Variants in SIRPB2 observed in about 807,000 individuals in gnomAD.
The protein encoded by SIRPB2 is signal regulatory protein beta 2.
SIRPB2 carries 18 observed loss-of-function variants against 27.1 expected under a neutral mutation model. The ratio of observed to expected loss-of-function variants is 0.66; its 90% CI spans 0.46 to 0.98. The LOEUF is 0.98. Among genes scored for constraint, SIRPB2 ranks in the 50% least tolerant of loss-of-function variants. The probability of loss-of-function intolerance (pLI) is 0.00; values close to 1 mark genes in which losing one functional copy is unlikely to be tolerated. For missense variants in SIRPB2, 420 were observed against 417.4 expected (o/e 1.01, Z -0.06); for synonymous variants, 150 against 164.6 (o/e 0.91, Z 0.68).
chr20:1,486,143 G>A (rs991317752), intron 1 of SIRPB2, among the ~76,000 whole-genome samples: 3 of 150,622 alleles, frequency 2.0e-5, no homozygotes, highest in Non-Finnish European at 4.4e-5. Flanking sequence ...CGTGATCTCA[G>A]CTCACTCCAA....
rs1003512496 is a variant in SIRPB2 at position 1,475,111 on chromosome 20, A to G, written c.*1056T>C. On this transcript the variant is annotated 3_prime_UTR_variant, in exon 5 of 5. Coordinates refer to ENST00000359801, the MANE Select transcript of SIRPB2 (RefSeq NM_001122962.2). ...GTGCCAACCAAAAACATCTCTAGAC[A>G]TTGCCAAAAGTCCAGTGGGGGCAAA... The G allele has an allele frequency of 2.0e-5, 3 of 152,334 alleles. No individual in the cohort carries two copies. The highest frequency in any genetic ancestry group is 2.0e-4 in the Admixed American group (3 of 15,302). 9.4% of individuals were successfully genotyped at this position (152,334 alleles called of 1,614,324 possible). A position where few individuals can be genotyped will look rare whatever the true frequency, so the allele number is the denominator to read the frequency against.
chr20:1,480,716 G>C (rs1421589126), intron 1 of SIRPB2, among the ~76,000 whole-genome samples: 1 of 152,130 alleles, frequency 6.6e-6, no homozygotes, highest in East Asian at 1.9e-4. Flanking sequence ...TCAGTTTCCA[G>C]CCTCCAGAAT....
Position 1,480,208 on chromosome 20 carries a change from G to A in SIRPB2, c.86-143C>T. The A allele has an allele frequency of 2.6e-6, 3 of 1,133,266 alleles. No homozygotes were observed. The South Asian group carries it at 5.0e-5, about 19-fold the overall frequency. The allele number at this position is 1,133,266 out of a possible 1,614,324, so 70.2% of individuals were successfully genotyped here. On this transcript the variant is annotated intron_variant, in intron 1 of 4. Coordinates refer to ENST00000359801, the MANE Select transcript of SIRPB2 (RefSeq NM_001122962.2). ...AGTGTCATTAGACAGGGAAGGGAAA[G>A]AGGGGATGAGATGGCTGGCTGCAGA...
chr20:1,477,141 G>A (rs1333194756), intron 4 of SIRPB2, 197 bp downstream of exon 4: 1 of 1,543,600 alleles, frequency 6.5e-7, no homozygotes, highest in Non-Finnish European at 8.7e-7. Context: ...CTGGCTATGA[G>A]AAAGTTCGTT....
At chr20:1,484,095 A>T (rs1268565287) in intron 1 of SIRPB2, among the ~76,000 whole-genome samples, 1 of 152,232 alleles carries the variant, frequency 6.6e-6, no homozygotes, top group African/African-American at 2.4e-5. Flanking sequence ...TGGCAAAGGT[A>T]TCAAGAATAC....
rs6033870 is a variant in SIRPB2 at position 1,476,370 on chromosome 20, C to T, written c.860-34G>A. The T allele has an allele frequency of 6.6e-3, 10,505 of 1,589,050 alleles. 826 individuals carry two copies. In the East Asian group the frequency reaches 0.18, roughly 28 times the overall value. On this transcript the variant is annotated intron_variant, in intron 4 of 4. Transcript: ENST00000359801. ...CACAGGAGAGAGCTCAGGCGGGACC[C>T]GTGGTGAGGGCCCCACAGCCCACGC...
At chr20:1,481,168 T>C (rs1240981174) in intron 1 of SIRPB2, among the ~76,000 whole-genome samples, 1 of 152,132 alleles carries the variant, frequency 6.6e-6, no homozygotes, top group Non-Finnish European at 1.5e-5. Flanking sequence ...CTTCCCCATT[T>C]ATTATTTATT....
downstream of SIRPB2, chr20:1,473,702 C>G: frequency 2.7e-6 from 1 of 365,426 alleles, no homozygotes; most frequent in South Asian, 2.0e-5. Context: ...CTTACAGGAT[C>G]TGGGGAGATG....
At chr20:1,487,540 A>G (rs935320553) in intron 1 of SIRPB2, among the ~76,000 whole-genome samples, 48 of 152,264 alleles carry the variant, frequency 3.2e-4, no homozygotes, top group Non-Finnish European at 6.2e-4. Context: ...AGATAATGTT[A>G]CAGTAATCAA....
At chr20:1,478,225 C>G (rs1352304546) in intron 3 of SIRPB2, 41 bp downstream of exon 3, 6 of 1,580,856 alleles carry the variant, frequency 3.8e-6, no homozygotes, top group Non-Finnish European at 5.2e-6. Flanking sequence ...TGTTGAATAC[C>G]TGCTCCGCTC....
At position 1,479,869 on chromosome 20, in the gene SIRPB2, C is replaced by T; in HGVS notation, c.282G>A (p.Gly94=). 2 of 1,614,178 alleles carry T rather than the reference C, an allele frequency of 1.2e-6. No homozygotes were observed. The highest frequency in any genetic ancestry group is 1.7e-5 in the Admixed American group (1 of 60,028). Residue 94 remains glycine, a synonymous_variant, in exon 2 of 5, where the codon GGG becomes GGA. Transcript: ENST00000359801. ...ATGTCCGTTGGATCATGGGCATTAC[C>T]CCAGGGAAGGAGCCACGTTTAAAGT... The part of the protein sequence containing the change: ...IYNFKRGSFP[G]VMPMIQRTSE...
chr20:1,479,573 A>G, intron 2 of SIRPB2, 127 bp downstream of exon 2: 1 of 1,375,234 alleles, frequency 7.3e-7, no homozygotes, highest in South Asian at 1.4e-5. Context: ...GTGCATGTAG[A>G]GATACAAATA....
Position 1,479,974 on chromosome 20 carries a change from C to T in SIRPB2, c.177G>A (p.Arg59=), listed in dbSNP as rs754331829. 3 of 1,614,220 alleles carry T rather than the reference C, an allele frequency of 1.9e-6. No individual in the cohort carries two copies. The highest frequency in any genetic ancestry group is 2.5e-6 in the Non-Finnish European group (3 of 1,180,044). ...LVAEGETLLL[R]CMVVGSCTDG... ...CAGTGCAGGAGCCGACCACCATACA[C>T]CTCAGTAGAAGTGTCTCACCTTCTG... The change falls in exon 2 of 5, where the codon AGG becomes AGA. Residue 59 remains arginine (R), a synonymous_variant. Coordinates refer to ENST00000359801, the MANE Select transcript of SIRPB2 (RefSeq NM_001122962.2).
chr20:1,483,839 A>C (rs1322305317), intron 1 of SIRPB2, among the ~76,000 whole-genome samples: 1 of 152,150 alleles, frequency 6.6e-6, no homozygotes, highest in Non-Finnish European at 1.5e-5. Flanking sequence ...TGCCTAGAGC[A>C]ATGTCTTGGA....
intron 3 of SIRPB2, chr20:1,478,000 A>G (rs1310724128): frequency 1.0e-5 from 6 of 602,596 alleles, no homozygotes; most frequent in East Asian, 3.6e-5. Context: ...TTAATGATCT[A>G]TACAGAGTTC....
intron 2 of SIRPB2, 195 bp downstream of exon 2, chr20:1,479,505 T>C: frequency 1.2e-6 from 1 of 841,020 alleles, no homozygotes. Flanking sequence ...TTGCTACCTC[T>C]CCAGCCTGGG....
At chr20:1,479,098 C>T (rs2090639787) in intron 2 of SIRPB2, 1 of 163,706 alleles carries the variant, frequency 6.1e-6, no homozygotes, top group African/African-American at 2.4e-5. Context: ...AATTGTTTTG[C>T]CTGTTTTTCA....
At chr20:1,485,785 A>G (rs1236516095) in intron 1 of SIRPB2, among the ~76,000 whole-genome samples, 1 of 152,112 alleles carries the variant, frequency 6.6e-6, no homozygotes, top group Admixed American at 6.5e-5. Context: ...TTATTAAAAT[A>G]AGGAATAAGA....
chr20:1,487,623 G>A (rs944544540), intron 1 of SIRPB2, among the ~76,000 whole-genome samples: 3 of 152,192 alleles, frequency 2.0e-5, no homozygotes, highest in African/African-American at 7.2e-5. Flanking sequence ...AATAGTCCAT[G>A]CAAATAGAGG....
Sources: gnomAD v4.1 joint callset for allele counts (sites outside exome capture counted in the v4.1 genomes callset) on GRCh38, gnomAD v4.1.1 for gene constraint, MANE v1.5 for transcripts, NCBI Gene and HGNC (gene_info 2026-07-23, HGNC 2026-07-21) for gene names.